Variants in LHFPL6 observed in about 807,000 individuals in gnomAD.
LHFPL6 encodes LHFPL tetraspan subfamily member 6 protein.
A neutral mutation model predicts 20.6 loss-of-function variants in LHFPL6; 9 were observed. That is an observed-to-expected ratio of 0.44 (90% confidence interval 0.26 to 0.76). The LOEUF (loss-of-function observed/expected upper bound fraction) is 0.76, where lower values mean the gene tolerates loss of function less well. LHFPL6 is among the 30% of genes least tolerant of loss of function. LHFPL6 has a pLI of 0.20. For synonymous variants in LHFPL6, 105 were observed against 98.7 expected (o/e 1.06, Z -0.38); for missense variants, 218 against 253.5 (o/e 0.86, Z 0.95).
At chr13:39,473,499 AT>A (rs5802991) in intron 2 of LHFPL6, among the ~76,000 whole-genome samples, 14,235 of 149,584 alleles carry the variant, frequency 0.095, 1,268 homozygotes, top group East Asian at 0.52. Context: ...AGGATGTGGC[AT>A]TTTTTTTTTC....
intron 2 of LHFPL6, among the ~76,000 whole-genome samples, chr13:39,510,105 T>A (rs74046524): frequency 6.6e-6 from 1 of 152,116 alleles, no homozygotes; most frequent in African/African-American, 2.4e-5. Flanking sequence ...CTGCTGATGG[T>A]TACTGACTGC....
intron 2 of LHFPL6, among the ~76,000 whole-genome samples, chr13:39,518,070 G>C (rs76686001): frequency 6.6e-6 from 1 of 152,168 alleles, no homozygotes; most frequent in Non-Finnish European, 1.5e-5. Flanking sequence ...ATCTTTCTCA[G>C]GTGAAAATCT....
chr13:39,545,024 CGA>C (rs1204457016), intron 2 of LHFPL6, among the ~76,000 whole-genome samples: 1 of 151,632 alleles, frequency 6.6e-6, no homozygotes, highest in Non-Finnish European at 1.5e-5. Flanking sequence ...AGGCAGATCA[CGA>C]GGTCAGGAGA....
chr13:39,580,472 A>G (rs889266288), intron 2 of LHFPL6, among the ~76,000 whole-genome samples: 6 of 152,250 alleles, frequency 3.9e-5, no homozygotes, highest in African/African-American at 1.4e-4. Flanking sequence ...GCAGTGGGAA[A>G]GCAATAGAAA....
chr13:39,375,619 G>T (rs1870272577), intron 3 of LHFPL6, among the ~76,000 whole-genome samples: 1 of 144,460 alleles, frequency 6.9e-6, no homozygotes, highest in Non-Finnish European at 1.5e-5. Flanking sequence ...TAACCTGGGA[G>T]GTGGAGGTTG....
intron 2 of LHFPL6, among the ~76,000 whole-genome samples, chr13:39,503,849 A>C (rs567683413): frequency 6.6e-6 from 1 of 152,340 alleles, no homozygotes; most frequent in Non-Finnish European, 1.5e-5. Context: ...TTTAGGGCCC[A>C]GATCAATTTC....
intron 2 of LHFPL6, among the ~76,000 whole-genome samples, chr13:39,462,543 T>C (rs9576808): frequency 0.4 from 60,069 of 152,040 alleles, 11,986 homozygotes; most frequent in Middle Eastern, 0.52. Flanking sequence ...TAAAGTTATA[T>C]ATCATTCAAG....
At position 39,410,646 on chromosome 13, in the gene LHFPL6, A is replaced by AT. The variant is rs922640176; in HGVS notation, c.386-32121dup. On this transcript the variant is annotated intron_variant, in intron 2 of 3. Coordinates refer to ENST00000379589, the MANE Select transcript of LHFPL6 (RefSeq NM_005780.3). ...AATGTATGAATAACATTCACAACAG[A>AT]TATTTCTCATGTTCTGGAGAAATGC... 7.7e-4 allele frequency among the ~76,000 whole-genome samples: 117 copies of AT among 152,236 alleles called. 1 individual carries two copies. The highest frequency in any genetic ancestry group is 2.7e-3 in the African/African-American group (113 of 41,462).
chr13:39,431,085 G>A (rs905652525), intron 2 of LHFPL6, among the ~76,000 whole-genome samples: 6 of 152,020 alleles, frequency 3.9e-5, no homozygotes, highest in East Asian at 1.9e-4. Context: ...CTCCAGACAC[G>A]CCACCTTTAA....
chr13:39,343,981 C>G lies in LHFPL6; in HGVS notation c.558G>C (p.Trp186Cys). The change falls in exon 4 of 4, where the codon TGG (tryptophan) becomes TGC (cysteine). Residue 186 changes from tryptophan (W) to cysteine (C), a missense_variant. By Grantham distance (215) the Trp-to-Cys change is radical. Transcript: ENST00000379589. ...GTTTCTTGCCCGAAAAGCAAGCCAG[C>G]CACGTGCACAGCAGCATGGCGGCAG... ...GATAAMLLCT[W>C]LACFSGKKQK... 6.2e-7 allele frequency: 1 copy of G among 1,613,756 alleles called. No individual in the cohort carries two copies.
At chr13:39,574,228 A>G (rs1199307440) in intron 2 of LHFPL6, among the ~76,000 whole-genome samples, 1 of 152,182 alleles carries the variant, frequency 6.6e-6, no homozygotes, top group Non-Finnish European at 1.5e-5. Flanking sequence ...CACGCCTGTA[A>G]TCCCAGCACT....
intron 2 of LHFPL6, among the ~76,000 whole-genome samples, chr13:39,483,419 A>T (rs1414916099): frequency 6.6e-6 from 1 of 152,088 alleles, no homozygotes; most frequent in Non-Finnish European, 1.5e-5. Context: ...GTCTAACATA[A>T]AAATGTCATA....
At chr13:39,428,806 T>C (rs1439336688) in intron 2 of LHFPL6, among the ~76,000 whole-genome samples, 2 of 152,204 alleles carry the variant, frequency 1.3e-5, no homozygotes, top group Admixed American at 6.5e-5. Flanking sequence ...AATACTCTTT[T>C]AGACTGAATT....
At chr13:39,356,334 G>A (rs1869726108) in intron 3 of LHFPL6, among the ~76,000 whole-genome samples, 1 of 152,060 alleles carries the variant, frequency 6.6e-6, no homozygotes. Flanking sequence ...TGAAAACAGA[G>A]ACACAACATA....
chr13:39,383,280 G>T (rs1381390137), intron 2 of LHFPL6, among the ~76,000 whole-genome samples: 2 of 152,176 alleles, frequency 1.3e-5, no homozygotes, highest in Non-Finnish European at 2.9e-5. Context: ...GGAAACTTTA[G>T]GTCAGATCAG....
chr13:39,584,468 G>A (rs1432805311), intron 2 of LHFPL6, among the ~76,000 whole-genome samples: 3 of 150,636 alleles, frequency 2.0e-5, no homozygotes, highest in Admixed American at 6.6e-5. Flanking sequence ...CGGAAGTTGC[G>A]GTGAGCTGAG....
At position 39,378,492 on chromosome 13, in the gene LHFPL6, G is replaced by C. The variant is rs554427565; in HGVS notation, c.420C>G (p.Pro140=). The C allele has an allele frequency of 5.6e-6, 9 of 1,613,950 alleles. No individual in the cohort carries two copies. In the East Asian group the frequency reaches 2.0e-4, roughly 36 times the overall value. Residue 140 remains proline (P), a synonymous_variant, in exon 3 of 4, where the codon CCC becomes CCG. Transcript: ENST00000379589. ...GGACTTCCTCACTGTCCCAGCCCAA[G>C]GGGTAGAGGGCACAGCCAGCACCAA... is the stretch of plus-strand genomic sequence containing the variant. ...LLIGAGCALY[P]LGWDSEEVRQ...
At chr13:39,542,066 G>A (rs1356689717) in intron 2 of LHFPL6, among the ~76,000 whole-genome samples, 1 of 149,304 alleles carries the variant, frequency 6.7e-6, no homozygotes, top group Non-Finnish European at 1.5e-5. Context: ...ACTCCAGCCT[G>A]GGCAACAGAT....
At chr13:39,558,678 A>C (rs1235709809) in intron 2 of LHFPL6, among the ~76,000 whole-genome samples, 1 of 152,214 alleles carries the variant, frequency 6.6e-6, no homozygotes, top group Non-Finnish European at 1.5e-5. Flanking sequence ...GGCGTATAAA[A>C]TAAAATCAGG....
Sources: gnomAD v4.1 joint callset for allele counts (sites outside exome capture counted in the v4.1 genomes callset) on GRCh38, gnomAD v4.1.1 for gene constraint, MANE v1.5 for transcripts, NCBI Gene and HGNC (gene_info 2026-07-23, HGNC 2026-07-21) for gene names.